MEF2C: variants seen among roughly 807,000 people sequenced by gnomAD.
The protein encoded by MEF2C is myocyte enhancer factor 2C, also known as myocyte-specific enhancer factor 2C.
MEF2C carries 6 observed loss-of-function variants against 50.5 expected under a neutral mutation model. The ratio of observed to expected loss-of-function variants is 0.12; its 90% CI spans 0.07 to 0.23. The LOEUF (loss-of-function observed/expected upper bound fraction) is 0.23. Ranked by LOEUF, MEF2C falls within the 10% of genes least tolerant of loss-of-function variation. The pLI is 1.00. For synonymous variants in MEF2C, 183 were observed against 228.0 expected, an observed-to-expected ratio of 0.80 and a Z score of 1.78; for missense variants, 276 against 605.0, an observed-to-expected ratio of 0.46 and a Z score of 5.70.
At chr5:88,771,977 T>A (rs1464264227) in intron 3 of MEF2C, 2 of 152,390 alleles carry the variant, frequency 1.3e-5, no homozygotes, top group Non-Finnish European at 2.9e-5. Context: ...TTCCAAGCCA[T>A]CTGTGGCTGC....
intron 1 of MEF2C, among the ~76,000 whole-genome samples, chr5:88,856,757 C>CAGAAGTCAGGAA (rs1823561611): frequency 1.3e-5 from 2 of 152,046 alleles, no homozygotes; most frequent in African/African-American, 4.8e-5. Flanking sequence ...GAAGTCAGGA[C>CAGAAGTCAGGAA]GTGAGGTTTG....
chr5:88,822,602 T>C (rs1354929000), intron 2 of MEF2C, among the ~76,000 whole-genome samples: 2 of 151,952 alleles, frequency 1.3e-5, no homozygotes, highest in African/African-American at 4.8e-5. Flanking sequence ...CAAGAAATAA[T>C]TAATTCCTAT....
intron 3 of MEF2C, among the ~76,000 whole-genome samples, chr5:88,778,898 G>C (rs903498398): frequency 6.6e-6 from 1 of 152,220 alleles, no homozygotes; most frequent in Admixed American, 6.5e-5. Context: ...GAAGCCTGGG[G>C]TAGGGCTGGC....
intron 10 of MEF2C, among the ~76,000 whole-genome samples, chr5:88,724,321 A>G (rs1757643858): frequency 6.6e-6 from 1 of 152,132 alleles, no homozygotes; most frequent in African/African-American, 2.4e-5. Context: ...TGGGAGATGC[A>G]ATACAAACTC....
At chr5:88,866,286 T>A (rs925026365) in intron 1 of MEF2C, among the ~76,000 whole-genome samples, 2 of 152,242 alleles carry the variant, frequency 1.3e-5, no homozygotes, top group African/African-American at 4.8e-5. Flanking sequence ...CATTTCATTC[T>A]CTTCAACAGT....
At chr5:88,752,420 T>TA (rs1296371994) in intron 4 of MEF2C, among the ~76,000 whole-genome samples, 1 of 152,246 alleles carries the variant, frequency 6.6e-6, no homozygotes, top group East Asian at 1.9e-4. Context: ...GAAAAAGGAT[T>TA]AAAATGCAAA....
intron 3 of MEF2C, among the ~76,000 whole-genome samples, chr5:88,764,348 A>C (rs1381580571): frequency 6.6e-6 from 1 of 152,232 alleles, no homozygotes; most frequent in Non-Finnish European, 1.5e-5. Context: ...CATATGGCCA[A>C]GCATGATGGT....
At chr5:88,780,579 T>C (rs560646342) in intron 3 of MEF2C, among the ~76,000 whole-genome samples, 1 of 152,190 alleles carries the variant, frequency 6.6e-6, no homozygotes, top group Non-Finnish European at 1.5e-5. Flanking sequence ...CCTGGCTCAT[T>C]TCCAAGAGTA....
intron 10 of MEF2C, among the ~76,000 whole-genome samples, chr5:88,724,311 T>TGGGA (rs1042444274): frequency 1.2e-4 from 18 of 152,220 alleles, no homozygotes; most frequent in Admixed American, 9.2e-4. Context: ...GCTGGCTTTT[T>TGGGA]GGGAGATGCA....
chr5:88,876,441 T>C (rs919971481), intron 1 of MEF2C, among the ~76,000 whole-genome samples: 8 of 152,024 alleles, frequency 5.3e-5, no homozygotes, highest in African/African-American at 9.7e-5. Context: ...CAATCCCTCA[T>C]GTTACATTAA....
intron 3 of MEF2C, among the ~76,000 whole-genome samples, chr5:88,796,924 T>C (rs1796255595): frequency 6.6e-6 from 1 of 152,186 alleles, no homozygotes; most frequent in Non-Finnish European, 1.5e-5. Context: ...TTCCCTGTAG[T>C]TGTGTGGTTT....
rs1756649545 is a variant in MEF2C at position 88,722,499 on chromosome 5, T to C, written c.*105A>G. 1.4e-5 allele frequency: 14 copies of C among 1,036,410 alleles called. No individual in the cohort carries two copies. Among genetic ancestry groups the C allele is most frequent in the South Asian group, 9.8e-5 (6 of 61,284 alleles). 64.2% of individuals were successfully genotyped at this position (1,036,410 alleles called of 1,614,324 possible). On this transcript the variant is annotated 3_prime_UTR_variant, in exon 11 of 11. Coordinates refer to ENST00000504921, the MANE Select transcript of MEF2C (RefSeq NM_002397.5). Reference sequence around the variant, plus strand: ...AACAGAGTACCTGACTTTTTTTTTTTCCACACACGGCACATATAATGCATA... The same window carrying C: ...AACAGAGTACCTGACTTTTTTTTTTCCCACACACGGCACATATAATGCATA...
rs375365268 is a variant in MEF2C, at chr5:88,843,961, C to T, written c.-142-20031G>A. On this transcript the variant is annotated intron_variant, in intron 1 of 10. Transcript: ENST00000504921. Reference sequence around the variant, plus strand: ...AGTAACTGGGACTACAGGTGCGCACCACCACGCCTGGATAATTTTTTTGTA... The same window carrying T: ...AGTAACTGGGACTACAGGTGCGCACTACCACGCCTGGATAATTTTTTTGTA... Among the ~76,000 whole-genome samples, 33 of 152,166 alleles carry T rather than the reference C, an allele frequency of 2.2e-4. No homozygotes were observed. The South Asian group carries it at 6.4e-3, about 30-fold the overall frequency.
At chr5:88,740,456 AT>A in intron 6 of MEF2C, 2 of 985,102 alleles carry the variant, frequency 2.0e-6, no homozygotes, top group Non-Finnish European at 2.4e-6. Flanking sequence ...TGTCATGCGG[AT>A]TTAGGCATCA....
At chr5:88,771,910 A>G (rs1445164094) in intron 3 of MEF2C, 1 of 152,338 alleles carries the variant, frequency 6.6e-6, no homozygotes, top group Non-Finnish European at 1.5e-5. Context: ...TAACTGGTTC[A>G]CAAATGGTGG....
intron 1 of MEF2C, among the ~76,000 whole-genome samples, chr5:88,866,696 G>A (rs985019978): frequency 2.6e-5 from 4 of 152,110 alleles, no homozygotes; most frequent in African/African-American, 9.7e-5. Flanking sequence ...ATATGACCTT[G>A]TTCTAACTCA....
chr5:88,868,274 T>A (rs1828069486), intron 1 of MEF2C, among the ~76,000 whole-genome samples: 1 of 152,148 alleles, frequency 6.6e-6, no homozygotes, highest in African/African-American at 2.4e-5. Context: ...AAAGCCTACC[T>A]TTTTAGAAGA....
At chr5:88,828,831 T>C (rs1319640196) in intron 1 of MEF2C, among the ~76,000 whole-genome samples, 1 of 152,010 alleles carries the variant, frequency 6.6e-6, no homozygotes, top group African/African-American at 2.4e-5. Flanking sequence ...AAATTACTAC[T>C]CCTATTGATG....
chr5:88,722,975 C>T (rs1179666567), intron 10 of MEF2C, 50 bp from the exon 11 acceptor site: 3 of 1,431,590 alleles, frequency 2.1e-6, no homozygotes, highest in Non-Finnish European at 2.8e-6. Context: ...CCTGGAGGCC[C>T]CAGGAACTCA....
Sources: allele counts gnomAD v4.1 joint callset (sites outside exome capture counted in the v4.1 genomes callset), GRCh38; gene constraint gnomAD v4.1.1; transcripts MANE v1.5; gene names NCBI Gene and HGNC (gene_info 2026-07-23, HGNC 2026-07-21).